The following SQOR variants were observed in gnomAD, a reference collection of about 807,000 sequenced individuals.
The protein encoded by SQOR is sulfide:quinone oxidoreductase, mitochondrial.
In SQOR, 39 loss-of-function variants were observed where a neutral mutation model predicts 48.6. The observed-to-expected ratio is 0.80, with a 90% CI of 0.62 to 1.05. SQOR has a LOEUF of 1.05. Among genes scored for constraint, SQOR ranks in the 50% least tolerant of loss-of-function variants. The pLI is 0.00. For synonymous variants in SQOR, 220 were observed against 206.2 expected, an observed-to-expected ratio of 1.07 and a Z score of -0.57; for missense variants, 561 against 559.9, an observed-to-expected ratio of 1.00 and a Z score of -0.02.
intron 1 of SQOR, among the ~76,000 whole-genome samples, chr15:45,635,826 A>G (rs1348083546): frequency 1.3e-5 from 2 of 148,456 alleles, no homozygotes; most frequent in South Asian, 4.3e-4. Flanking sequence ...TGGGAAGGCT[A>G]AAGACTCTCA....
chr15:45,634,183 A>C (rs910302530), upstream of SQOR, among the ~76,000 whole-genome samples: 3 of 47,704 alleles, frequency 6.3e-5, no homozygotes, highest in Admixed American at 2.1e-4. Context: ...CTGTTTCAAA[A>C]AACAACAACA....
At position 45,658,913 on chromosome 15, in the gene SQOR, C is replaced by CCTGCCTGAA. The variant is rs1255279058; in HGVS notation, c.-10_-2dup. The CCTGCCTGAA allele has an allele frequency of 6.5e-6, 10 of 1,535,210 alleles. No homozygotes were observed. The highest frequency in any genetic ancestry group is 8.8e-6 in the Non-Finnish European group (10 of 1,135,398). Reference sequence around the variant, plus strand: ...CCTGTCTCTTCCCTTCCAGCCTGATCCTGCCTGAAGATGGTGCCACTGGTG... The same window carrying CCTGCCTGAA: ...CCTGTCTCTTCCCTTCCAGCCTGATCCTGCCTGAACTGCCTGAAGATGGTGCCACTGGTG... On this transcript the variant is annotated 5_prime_UTR_variant, in exon 2 of 10. Transcript: ENST00000260324.
intron 6 of SQOR, among the ~76,000 whole-genome samples, chr15:45,677,349 AGT>A (rs1261755718): frequency 6.6e-6 from 1 of 152,196 alleles, no homozygotes; most frequent in Non-Finnish European, 1.5e-5. Flanking sequence ...CTAAAATAGA[AGT>A]GTTCTCTTAC....
At chr15:45,655,813 A>G (rs1395464720) in intron 1 of SQOR, among the ~76,000 whole-genome samples, 1 of 151,516 alleles carries the variant, frequency 6.6e-6, no homozygotes, top group Non-Finnish European at 1.5e-5. Context: ...CCTCCCCAGT[A>G]GCTGGGACTA....
intron 1 of SQOR, among the ~76,000 whole-genome samples, chr15:45,656,368 C>G (rs148651074): frequency 3.9e-5 from 6 of 152,286 alleles, no homozygotes; most frequent in Non-Finnish European, 7.3e-5. Flanking sequence ...GGTGAAATCA[C>G]AGATCACTGT....
At chr15:45,688,805 G>A (rs965885092) in intron 8 of SQOR, among the ~76,000 whole-genome samples, 16 of 151,992 alleles carry the variant, frequency 1.1e-4, no homozygotes, top group Non-Finnish European at 1.5e-4. Flanking sequence ...GAGCCACCGC[G>A]CCTGGCCCAG....
chr15:45,650,702 C>A (rs1889468049), intron 1 of SQOR, among the ~76,000 whole-genome samples: 2 of 152,090 alleles, frequency 1.3e-5, no homozygotes, highest in South Asian at 2.1e-4. Context: ...TCCGTTTTGA[C>A]AGGGTGCTGA....
chr15:45,668,177 C>T (rs1214312963), intron 3 of SQOR, among the ~76,000 whole-genome samples: 2 of 152,054 alleles, frequency 1.3e-5, no homozygotes, highest in African/African-American at 4.8e-5. Context: ...AACTCCTGAC[C>T]TTTTGATCCA....
chr15:45,636,699 G>A (rs1895013204), intron 1 of SQOR, among the ~76,000 whole-genome samples: 1 of 152,112 alleles, frequency 6.6e-6, no homozygotes. Flanking sequence ...ACTGCGCACG[G>A]CCAATATCTG....
chr15:45,680,226 C>G (rs144012117), intron 6 of SQOR, among the ~76,000 whole-genome samples: 75 of 152,082 alleles, frequency 4.9e-4, no homozygotes, highest in African/African-American at 1.7e-3. Context: ...TCCTGAGTAG[C>G]TGGGTCTATA....
rs117550031 is a variant in SQOR at position 45,674,620 on chromosome 15, C to T, written c.654+819C>T. On this transcript the variant is annotated intron_variant, in intron 5 of 9. Transcript: ENST00000260324. ...GGGTATACATTAAAAAAATATGATA[C>T]GGAAAATGCCAATTTAAAAAGCAAA... is the stretch of plus-strand genomic sequence containing the variant. 6.6e-5 allele frequency among the ~76,000 whole-genome samples: 10 copies of T among 152,090 alleles called. No individual in the cohort carries two copies. In the East Asian group the frequency reaches 1.2e-3, roughly 18 times the overall value.
intron 1 of SQOR, among the ~76,000 whole-genome samples, chr15:45,642,414 A>C (rs1174848472): frequency 6.6e-6 from 1 of 152,016 alleles, no homozygotes. Flanking sequence ...GAGATCTCCA[A>C]ATTTTTTAAT....
chr15:45,672,144 T>C (rs529135747), intron 4 of SQOR, among the ~76,000 whole-genome samples: 1 of 152,244 alleles, frequency 6.6e-6, no homozygotes, highest in South Asian at 2.1e-4. Context: ...TGTTTATCTC[T>C]TGGATAGTGA....
intron 1 of SQOR, among the ~76,000 whole-genome samples, chr15:45,651,219 A>G (rs1431970397): frequency 1.3e-5 from 2 of 151,978 alleles, no homozygotes. Context: ...CTGCTGGGGG[A>G]CCTGGTGCAC....
At chr15:45,674,263 C>A (rs781528036) in intron 5 of SQOR, among the ~76,000 whole-genome samples, 3 of 152,004 alleles carry the variant, frequency 2.0e-5, no homozygotes, top group Non-Finnish European at 4.4e-5. Context: ...ATGGAGAAAT[C>A]CCGTCTCTAC....
chr15:45,644,191 G>A (rs35377056), intron 1 of SQOR, among the ~76,000 whole-genome samples: 10,547 of 151,952 alleles, frequency 0.069, 457 homozygotes, highest in Non-Finnish European at 0.1. Context: ...AGGTTCAAGC[G>A]TTTCTCCTGC....
At chr15:45,632,852 C>G (rs2140933079), upstream of SQOR, among the ~76,000 whole-genome samples, 1 of 152,034 alleles carries the variant, frequency 6.6e-6, no homozygotes, top group South Asian at 2.1e-4. Context: ...TCCTCTAATC[C>G]CAGTACCTTG....
intron 2 of SQOR, 79 bp downstream of exon 2, chr15:45,659,236 G>A: frequency 8.1e-7 from 1 of 1,239,632 alleles, no homozygotes; most frequent in Non-Finnish European, 1.1e-6. Context: ...GTGTTCTGGG[G>A]TTGGATATGA....
intron 1 of SQOR, among the ~76,000 whole-genome samples, chr15:45,644,973 A>T (rs1895178906): frequency 6.6e-6 from 1 of 152,178 alleles, no homozygotes; most frequent in African/African-American, 2.4e-5. Context: ...TCTCAGAGTT[A>T]GCTAGTCCTG....
Sources: gnomAD v4.1 joint callset for allele counts (sites outside exome capture counted in the v4.1 genomes callset) on GRCh38, gnomAD v4.1.1 for gene constraint, MANE v1.5 for transcripts, NCBI Gene and HGNC (gene_info 2026-07-23, HGNC 2026-07-21) for gene names.